The following ATG13 variants were observed in gnomAD, a reference collection of about 807,000 sequenced individuals.
The protein encoded by ATG13 is autophagy related 13, also known as autophagy-related protein 13.
In ATG13, 23 loss-of-function variants were observed where a neutral mutation model predicts 65.5. That is an observed-to-expected ratio of 0.35 (90% CI 0.25 to 0.50). The LOEUF (loss-of-function observed/expected upper bound fraction) is 0.50. Among genes scored for constraint, ATG13 ranks in the 20% least tolerant of loss-of-function variants. The probability of loss-of-function intolerance (pLI) is 0.98; values close to 1 mark genes in which losing one functional copy is unlikely to be tolerated. For missense variants in ATG13, 566 were observed against 677.0 expected (o/e 0.84, Z 1.82); for synonymous variants, 252 against 245.2 (o/e 1.03, Z -0.26).
At chr11:46,636,244 A>C (rs1213855328) in intron 2 of ATG13, among the ~76,000 whole-genome samples, 2 of 152,036 alleles carry the variant, frequency 1.3e-5, no homozygotes, top group Non-Finnish European at 1.5e-5. Flanking sequence ...GTCTCTCCCT[A>C]TAAATTTGTT....
chr11:46,669,617 T>C, intron 18 of ATG13, 85 bp downstream of exon 18: 1 of 1,467,420 alleles, frequency 6.8e-7, no homozygotes, highest in Non-Finnish European at 9.3e-7. Flanking sequence ...TACCACCTTC[T>C]ATCTTCCCTG....
At chr11:46,663,870 A>G (rs1363554225) in intron 11 of ATG13, 127 bp from the exon 12 acceptor site, 1 of 644,878 alleles carries the variant, frequency 1.6e-6, no homozygotes, top group African/African-American at 1.9e-5. Flanking sequence ...TTCACTCCTG[A>G]CTCCAGTGTC....
chr11:46,645,451 TG>T (rs777495055), intron 4 of ATG13, 32 bp downstream of exon 4: 2 of 1,559,654 alleles, frequency 1.3e-6, no homozygotes, highest in Non-Finnish European at 1.8e-6. Flanking sequence ...AGGTGTATAC[TG>T]TAGTGTTTGT....
intron 2 of ATG13, among the ~76,000 whole-genome samples, chr11:46,633,385 G>A (rs2052682769): frequency 6.6e-6 from 1 of 151,506 alleles, no homozygotes; most frequent in African/African-American, 2.4e-5. Context: ...TTTTGCTCTT[G>A]TTGCCTAGGC....
In ATG13 at chr11:46,644,311, C is replaced by T; in HGVS notation, c.20C>T (p.Ser7Phe). The T allele has an allele frequency of 6.2e-7, 1 of 1,607,508 alleles. No homozygotes were observed. Among genetic ancestry groups the T allele is most frequent in the South Asian group, 1.1e-5 (1 of 89,662 alleles). ...TAGGCAATGGAAACTGATCTCAATT[C>T]CCAGGACAGAAAGGACCTGGACAAG... METDLN[S>F]QDRKDLDKFI... Residue 7 changes from serine to phenylalanine, a missense_variant, in exon 3 of 19, where the codon TCC (serine) becomes TTC (phenylalanine). This residue lies in a region of ATG13 where 179 missense variants were observed against 267.2 expected (regional missense o/e 0.67). Coordinates refer to ENST00000683050, the MANE Select transcript of ATG13 (RefSeq NM_001346311.2).
chr11:46,667,574 G>T (rs899938018), intron 14 of ATG13, among the ~76,000 whole-genome samples, 199 bp from the exon 15 acceptor site: 2 of 152,182 alleles, frequency 1.3e-5, no homozygotes, highest in African/African-American at 4.8e-5. Context: ...GTTCCAGGAA[G>T]TGCAGCCCTC....
intron 10 of ATG13, among the ~76,000 whole-genome samples, chr11:46,658,863 T>C (rs1271278588): frequency 6.6e-6 from 1 of 152,022 alleles, no homozygotes; most frequent in Admixed American, 6.6e-5. Context: ...AAGAAAATGC[T>C]CTCTCAAATA....
At chr11:46,644,724 C>T (rs944225234) in intron 3 of ATG13, among the ~76,000 whole-genome samples, 8 of 152,022 alleles carry the variant, frequency 5.3e-5, no homozygotes, top group Non-Finnish European at 7.4e-5. Flanking sequence ...CCTTAAGTTT[C>T]AAGTAATCCT....
At chr11:46,633,897 C>A (rs191169599) in intron 2 of ATG13, among the ~76,000 whole-genome samples, 29 of 152,200 alleles carry the variant, frequency 1.9e-4, no homozygotes, top group African/African-American at 6.0e-4. Flanking sequence ...AAATTAGTTT[C>A]TTTTACTTCA....
chr11:46,655,261 C>T (rs1003864623), intron 7 of ATG13, among the ~76,000 whole-genome samples: 33 of 151,794 alleles, frequency 2.2e-4, no homozygotes, highest in South Asian at 6.2e-4. Context: ...TAGCCGGGCG[C>T]GGTGGCGGAC....
intron 1 of ATG13, among the ~76,000 whole-genome samples, chr11:46,623,418 GT>G (rs1293758721): frequency 6.6e-6 from 1 of 151,926 alleles, no homozygotes; most frequent in African/African-American, 2.4e-5. Flanking sequence ...AACTAGTTTT[GT>G]TTTTTTGTTT....
chr11:46,634,844 G>T (rs1036861854), intron 2 of ATG13, among the ~76,000 whole-genome samples: 1 of 151,966 alleles, frequency 6.6e-6, no homozygotes, highest in African/African-American at 2.4e-5. Flanking sequence ...TGGGACTACA[G>T]GTGTGTGCCA....
rs1189749545 is a variant in ATG13 at position 46,664,725 on chromosome 11, C to A, written c.889-124C>A. On this transcript the variant is annotated intron_variant, in intron 12 of 18. Coordinates refer to ENST00000683050, the MANE Select transcript of ATG13 (RefSeq NM_001346311.2). ...CCCCTATCACGTCAGGCCCCCTGCACTGTGGGCATGTGGGCGGGAGCCATT... is the reference window on the plus strand; with the variant it reads ...CCCCTATCACGTCAGGCCCCCTGCAATGTGGGCATGTGGGCGGGAGCCATT... 5 of 817,482 alleles carry A rather than the reference C, an allele frequency of 6.1e-6. No individual in the cohort carries two copies. In the African/African-American group the frequency reaches 6.8e-5, roughly 11 times the overall value. 50.6% of individuals were successfully genotyped at this position (817,482 alleles called of 1,614,324 possible). A position where few individuals can be genotyped will look rare whatever the true frequency, so the allele number is the denominator to read the frequency against.
At chr11:46,664,718 C>T (rs959625534) in intron 12 of ATG13, 131 bp from the exon 13 acceptor site, 11 of 763,182 alleles carry the variant, frequency 1.4e-5, no homozygotes, top group South Asian at 6.5e-5. Flanking sequence ...ACGTCAGGCC[C>T]CCTGCACTGT....
At chr11:46,638,292 C>T in intron 2 of ATG13, among the ~76,000 whole-genome samples, 1 of 152,002 alleles carries the variant, frequency 6.6e-6, no homozygotes, top group African/African-American at 2.4e-5. Context: ...CAAAAATCAG[C>T]TGGGCGAGGT....
intron 11 of ATG13, among the ~76,000 whole-genome samples, chr11:46,661,706 C>T (rs2061265707): frequency 6.6e-6 from 1 of 151,438 alleles, no homozygotes; most frequent in South Asian, 2.1e-4. Flanking sequence ...TGGTACAAAC[C>T]TGTAGTTGCA....
chr11:46,664,882 G>T lies in ATG13; in HGVS notation c.922G>T (p.Ala308Ser). The change falls in exon 13 of 19, where the codon GCC (alanine) becomes TCC (serine). Residue 308 changes from alanine (A) to serine (S), a missense_variant. Around this residue, in one of 2 missense-constraint regions of ATG13, gnomAD observed 387 missense variants for 409.8 expected, o/e 0.94. Transcript: ENST00000683050. Reference sequence around the variant, plus strand: ...CTCTCGCCTTTCCTATCAGCCTGCTGCCCTGGGCGTTGGATCAGCTGACCT... The same window carrying T: ...CTCTCGCCTTTCCTATCAGCCTGCTTCCCTGGGCGTTGGATCAGCTGACCT... ...SSSRLSYQPA[A>S]LGVGSADLAY... The T allele has an allele frequency of 1.2e-6, 2 of 1,613,930 alleles. No homozygotes were observed. Among genetic ancestry groups the T allele is most frequent in the Non-Finnish European group, 1.7e-6 (2 of 1,179,858 alleles).
chr11:46,632,774 C>T (rs1203032515), intron 2 of ATG13, among the ~76,000 whole-genome samples: 19 of 151,790 alleles, frequency 1.3e-4, no homozygotes, highest in Non-Finnish European at 2.2e-4. Context: ...ACCAGGTAAC[C>T]ATCTGGTACT....
At chr11:46,660,791 C>A (rs1157936536) in intron 11 of ATG13, among the ~76,000 whole-genome samples, 1 of 151,658 alleles carries the variant, frequency 6.6e-6, no homozygotes, top group Non-Finnish European at 1.5e-5. Flanking sequence ...TCACTGCAGC[C>A]TAGACCTCCC....
Sources: gnomAD v4.1 joint callset for allele counts (sites outside exome capture counted in the v4.1 genomes callset) on GRCh38, gnomAD v4.1.1 for gene constraint, gnomAD v4.1.1 regional missense constraint, MANE v1.5 for transcripts, NCBI Gene and HGNC (gene_info 2026-07-23, HGNC 2026-07-21) for gene names.